Variants in TMEM67 observed in about 807,000 individuals in gnomAD.
The protein encoded by TMEM67 is transmembrane protein 67, also known as meckelin.
In TMEM67, 124 loss-of-function variants were observed where a neutral mutation model predicts 136.6. The ratio of observed to expected loss-of-function variants is 0.91; its 90% confidence interval spans 0.78 to 1.05. The LOEUF is 1.05. Among genes scored for constraint, TMEM67 ranks in the 50% least tolerant of loss-of-function variants. The pLI, the probability that TMEM67 is intolerant of heterozygous loss-of-function variation, is 0.00. For synonymous variants in TMEM67, 364 were observed against 390.5 expected, an observed-to-expected ratio of 0.93 and a Z score of 0.80; for missense variants, 1,107 against 1,178.4, an observed-to-expected ratio of 0.94 and a Z score of 0.89.
chr8:93,795,611 TA>T, intron 17 of TMEM67, 104 bp downstream of exon 17: 1 of 1,077,778 alleles, frequency 9.3e-7, no homozygotes, highest in Non-Finnish European at 1.4e-6. Context: ...TGATCAACAG[TA>T]TTAAGAAAAG....
chr8:93,797,450 A>G lies in TMEM67; in HGVS notation c.2080A>G (p.Thr694Ala). The G allele has an allele frequency of 6.2e-7, 1 of 1,613,908 alleles. No individual in the cohort carries two copies. Residue 694 changes from threonine to alanine, a missense_variant, in exon 20 of 28, where the codon ACT (threonine) becomes GCT (alanine). Physicochemically the swap from Thr to Ala is moderately conservative, Grantham distance 58. Transcript: ENST00000453321. ...RKINSLFQVL[T>A]VLFFLEVVGF... ...AATTAATTCACTCTTTCAAGTACTT[A>G]CTGTCCTCTTCTTTTTGGAGGTATA...
In TMEM67 at chr8:93,817,486, T is replaced by G. The variant is rs1375840436; in HGVS notation, c.*1034T>G. ...GCTGTAGTGAGCCAGATAGCACCACTGCACTCCAGCCAGGATGACAGAGCA... is the reference window on the plus strand; with the variant it reads ...GCTGTAGTGAGCCAGATAGCACCACGGCACTCCAGCCAGGATGACAGAGCA... On this transcript the variant is annotated 3_prime_UTR_variant, in exon 28 of 28. Transcript: ENST00000453321. 6.6e-6 allele frequency: 1 copy of G among 152,210 alleles called. No individual in the cohort carries two copies. 9.4% of individuals were successfully genotyped at this position (152,210 alleles called of 1,614,324 possible). A position where few individuals can be genotyped will look rare whatever the true frequency, so the allele number is the denominator to read the frequency against.
downstream of TMEM67, among the ~76,000 whole-genome samples, chr8:93,822,586 G>A (rs1298986388): frequency 2.6e-5 from 4 of 152,254 alleles, no homozygotes; most frequent in South Asian, 4.1e-4. Flanking sequence ...ACAGGACGGC[G>A]GAGGCAAGAG....
At chr8:93,810,308 C>T (rs1270689064) in intron 26 of TMEM67, among the ~76,000 whole-genome samples, 2 of 144,616 alleles carry the variant, frequency 1.4e-5, no homozygotes, top group South Asian at 2.6e-4. Flanking sequence ...TGGCTAGGTG[C>T]GGTGGCTCAT....
At position 93,774,551 on chromosome 8, in the gene TMEM67, C is replaced by A. The variant is rs189957757; in HGVS notation, c.714+1900C>A. On this transcript the variant is annotated intron_variant, in intron 7 of 27. Coordinates refer to ENST00000453321, the MANE Select transcript of TMEM67 (RefSeq NM_153704.6). ...GACAGGCCCCAGTGTGTGATGTTCCCCGCCCTGTGTCCAAGTGTTCTCGTT... is the reference window on the plus strand; with the variant it reads ...GACAGGCCCCAGTGTGTGATGTTCCACGCCCTGTGTCCAAGTGTTCTCGTT... 4.6e-3 allele frequency among the ~76,000 whole-genome samples: 696 copies of A among 152,178 alleles called. 8 individuals carry two copies. The highest frequency in any genetic ancestry group is 0.016 in the African/African-American group (658 of 41,524).
chr8:93,787,606 T>C (rs1814169993), intron 13 of TMEM67, among the ~76,000 whole-genome samples: 1 of 152,234 alleles, frequency 6.6e-6, no homozygotes, highest in Admixed American at 6.5e-5. Context: ...CATTTTTGGT[T>C]TGCTTTTTCT....
chr8:93,814,663 T>C (rs1227666088), intron 26 of TMEM67, among the ~76,000 whole-genome samples: 1 of 150,934 alleles, frequency 6.6e-6, no homozygotes, highest in East Asian at 1.9e-4. Context: ...TTTTTTTTTT[T>C]TTTTGTAGAG....
At chr8:93,787,766 C>T in intron 13 of TMEM67, 78 bp from the exon 14 acceptor site, 1 of 1,139,028 alleles carries the variant, frequency 8.8e-7, no homozygotes, top group South Asian at 1.2e-5. Context: ...ATATTAAATT[C>T]AAAAGAAATG....
At chr8:93,825,212 T>G in the TMEM67 span, among the ~76,000 whole-genome samples, 1 of 152,240 alleles carries the variant, frequency 6.6e-6, no homozygotes, top group East Asian at 1.9e-4. Flanking sequence ...ACACATTTAC[T>G]TATTTGACTG....
chr8:93,768,790 C>T (rs977007199), intron 6 of TMEM67, among the ~76,000 whole-genome samples: 3 of 151,976 alleles, frequency 2.0e-5, no homozygotes, highest in African/African-American at 7.3e-5. Flanking sequence ...TTCCAACCCC[C>T]TCACTTTCTA....
chr8:93,771,176 T>C (rs533642881), intron 6 of TMEM67, among the ~76,000 whole-genome samples: 81 of 152,066 alleles, frequency 5.3e-4, no homozygotes, highest in Non-Finnish European at 9.6e-4. Context: ...TCACTTCTAA[T>C]AACAATTCTA....
intron 3 of TMEM67, chr8:93,758,866 T>C (rs1039294688): frequency 2.8e-6 from 1 of 350,992 alleles, no homozygotes; most frequent in Non-Finnish European, 5.3e-6. Context: ...CCTAAAGTGC[T>C]GGGATTATAG....
rs750479952 is a variant in TMEM67 at position 93,781,743 on chromosome 8, A to G, written c.1064A>G (p.Gln355Arg). Residue 355 changes from glutamine (Q) to arginine (R), a missense_variant and splice_region_variant, in exon 10 of 28, where the codon CAG (glutamine) becomes CGG (arginine). By Grantham distance (43) the Gln-to-Arg change is conservative. Coordinates refer to ENST00000453321, the MANE Select transcript of TMEM67 (RefSeq NM_153704.6). ...CAAACTTTAGAAGGAGGTGTTTTACAGGTAAGCATGATTCTAGTTAAAGAA... is the reference window on the plus strand; with the variant it reads ...CAAACTTTAGAAGGAGGTGTTTTACGGGTAAGCATGATTCTAGTTAAAGAA... Reference protein sequence around the residue: ...KWQTLEGGVLQLCPDTETRLN... With the variant: ...KWQTLEGGVLRLCPDTETRLN... 2 of 1,582,494 alleles carry G rather than the reference A, an allele frequency of 1.3e-6. No homozygotes were observed. The highest frequency in any genetic ancestry group is 1.3e-5 in the African/African-American group (1 of 74,358).
Position 93,793,190 on chromosome 8 carries a change from T to A in TMEM67, c.1576-8T>A. Reference sequence around the variant, plus strand: ...ACATAAATTCTCAATTGTTCTTTTGTTTTTTAGATTGCTTTGGGTGTATTG... The same window carrying A: ...ACATAAATTCTCAATTGTTCTTTTGATTTTTAGATTGCTTTGGGTGTATTG... On this transcript the variant is annotated splice_polypyrimidine_tract_variant and splice_region_variant and intron_variant, in intron 15 of 27. Coordinates refer to ENST00000453321, the MANE Select transcript of TMEM67 (RefSeq NM_153704.6). 6.2e-7 allele frequency: 1 copy of A among 1,612,378 alleles called. No individual in the cohort carries two copies. The highest frequency in any genetic ancestry group is 8.5e-7 in the Non-Finnish European group (1 of 1,178,408).
chr8:93,807,757 AT>A (rs1815220002), intron 23 of TMEM67, among the ~76,000 whole-genome samples: 1 of 152,050 alleles, frequency 6.6e-6, no homozygotes, highest in Admixed American at 6.5e-5. Flanking sequence ...CAAGTGCCAT[AT>A]TATGTTTTCG....
intron 7 of TMEM67, among the ~76,000 whole-genome samples, chr8:93,776,458 TG>T: frequency 6.6e-6 from 1 of 152,368 alleles, no homozygotes; most frequent in Middle Eastern, 3.4e-3. Flanking sequence ...TTCCAGTTTT[TG>T]CCCATTCAGT....
At chr8:93,801,105 A>T (rs1218721410) in intron 21 of TMEM67, among the ~76,000 whole-genome samples, 3 of 152,136 alleles carry the variant, frequency 2.0e-5, no homozygotes, top group Admixed American at 2.0e-4. Flanking sequence ...TGTTTACTTT[A>T]AAATTTCCTT....
chr8:93,762,452 C>T (rs1349478676), intron 3 of TMEM67, among the ~76,000 whole-genome samples: 6 of 151,088 alleles, frequency 4.0e-5, no homozygotes, highest in Non-Finnish European at 4.4e-5. Flanking sequence ...CTGCCTTGAC[C>T]TCTCAATGTG....
At chr8:93,785,603 A>G (rs1257908463) in intron 12 of TMEM67, 14 of 495,546 alleles carry the variant, frequency 2.8e-5, no homozygotes, top group Non-Finnish European at 4.2e-5. Context: ...ACTGTTGCTG[A>G]GGGTATATCC....
Sources: allele counts gnomAD v4.1 joint callset (sites outside exome capture counted in the v4.1 genomes callset), GRCh38; gene constraint gnomAD v4.1.1; transcripts MANE v1.5; gene names NCBI Gene and HGNC (gene_info 2026-07-23, HGNC 2026-07-21).